Variants in SLC25A48 observed in about 807,000 individuals in gnomAD.
SLC25A48 encodes the protein CTC-321K16.1.
Under a neutral mutation model 32.2 loss-of-function variants are expected in SLC25A48, and 29 were observed. That is an observed-to-expected ratio of 0.90 (90% CI 0.67 to 1.23). The LOEUF is 1.23. Among genes scored for constraint, SLC25A48 ranks in the 50% most tolerant of loss-of-function variants. The pLI, the probability that SLC25A48 is intolerant of heterozygous loss-of-function variation, is 0.00. For synonymous variants in SLC25A48, 164 were observed against 172.3 expected (o/e 0.95, Z 0.38); for missense variants, 399 against 422.7 (o/e 0.94, Z 0.49).
intron 2 of SLC25A48, 95 bp downstream of exon 2, chr5:135,842,554 T>A: frequency 1.5e-6 from 2 of 1,306,980 alleles, no homozygotes; most frequent in Non-Finnish European, 2.2e-6. Context: ...TCTCAGAGAG[T>A]CTTCTGCCCA....
chr5:135,773,554 C>T (rs76309438), intron 3 of SLC25A48, among the ~76,000 whole-genome samples: 3 of 151,422 alleles, frequency 2.0e-5, no homozygotes, highest in Non-Finnish European at 4.4e-5. Context: ...GCGATCCCCC[C>T]ACCCTGGGTA....
At chr5:135,738,755 A>G (rs2126998294) in intron 3 of SLC25A48, among the ~76,000 whole-genome samples, 1 of 152,300 alleles carries the variant, frequency 6.6e-6, no homozygotes, top group Non-Finnish European at 1.5e-5. Context: ...TTGTAATGAT[A>G]GTTTGCCTTT....
chr5:135,592,972 A>G (rs545859262), intron 1 of SLC25A48, among the ~76,000 whole-genome samples: 1 of 152,122 alleles, frequency 6.6e-6, no homozygotes, highest in Non-Finnish European at 1.5e-5. Flanking sequence ...TATGAATATC[A>G]CTGGCTGCCC....
chr5:135,745,290 T>G (rs1755613800), intron 3 of SLC25A48, among the ~76,000 whole-genome samples: 1 of 152,198 alleles, frequency 6.6e-6, no homozygotes, highest in Admixed American at 6.5e-5. Flanking sequence ...CAGGAACATG[T>G]CCTTAAGGCA....
chr5:135,715,858 G>T (rs182227871), intron 3 of SLC25A48, among the ~76,000 whole-genome samples: 2 of 152,288 alleles, frequency 1.3e-5, no homozygotes, highest in East Asian at 3.9e-4. Flanking sequence ...CTTGACCAAG[G>T]TGTGGCTTTC....
intron 4 of SLC25A48, among the ~76,000 whole-genome samples, chr5:135,854,196 C>T (rs1031992925): frequency 6.6e-6 from 1 of 152,100 alleles, no homozygotes; most frequent in Admixed American, 6.5e-5. Context: ...TCTTAAAGGC[C>T]CTAGGATTTT....
upstream of SLC25A48, among the ~76,000 whole-genome samples, chr5:135,831,108 G>C (rs1758194255): frequency 6.6e-6 from 1 of 152,194 alleles, no homozygotes; most frequent in African/African-American, 2.4e-5. Flanking sequence ...GGAGTGATCA[G>C]TGCAAAAGCT....
chr5:135,753,995 G>A (rs1755834126), intron 3 of SLC25A48, among the ~76,000 whole-genome samples: 1 of 151,744 alleles, frequency 6.6e-6, no homozygotes, highest in Admixed American at 6.6e-5. Flanking sequence ...ATCACAGGGT[G>A]TACGCACAGG....
chr5:135,624,846 C>T (rs914249476), intron 1 of SLC25A48, among the ~76,000 whole-genome samples: 2 of 152,236 alleles, frequency 1.3e-5, no homozygotes, highest in Non-Finnish European at 2.9e-5. Flanking sequence ...CTATGGCCAA[C>T]AGATCCGATT....
intron 3 of SLC25A48, among the ~76,000 whole-genome samples, chr5:135,808,359 A>G (rs1757512198): frequency 6.6e-6 from 1 of 151,896 alleles, no homozygotes; most frequent in African/African-American, 2.4e-5. Flanking sequence ...GATAATATTA[A>G]TTATATCTGG....
intron 4 of SLC25A48, among the ~76,000 whole-genome samples, chr5:135,816,745 A>G (rs1757729555): frequency 6.6e-6 from 1 of 152,236 alleles, no homozygotes; most frequent in South Asian, 2.1e-4. Context: ...ACTGAATAAA[A>G]TAAGAAACCA....
At chr5:135,767,930 A>C (rs1317737851) in intron 3 of SLC25A48, among the ~76,000 whole-genome samples, 1 of 138,192 alleles carries the variant, frequency 7.2e-6, no homozygotes, top group African/African-American at 3.0e-5. Flanking sequence ...GGGTGTACAC[A>C]CCCCTGTGAT....
intron 3 of SLC25A48, among the ~76,000 whole-genome samples, chr5:135,770,392 G>A (rs765462311): frequency 1.3e-5 from 2 of 150,380 alleles, no homozygotes; most frequent in Non-Finnish European, 3.0e-5. Context: ...TATTCTGGAG[G>A]GGAGGATGAT....
intron 1 of SLC25A48, among the ~76,000 whole-genome samples, chr5:135,585,443 G>A (rs932552383): frequency 3.4e-4 from 52 of 152,262 alleles, no homozygotes; most frequent in Non-Finnish European, 6.5e-4. Context: ...CCTGCTGTCC[G>A]CGTGGCTCGT....
chr5:135,857,914 G>A (rs551150268), intron 4 of SLC25A48, among the ~76,000 whole-genome samples: 2 of 152,220 alleles, frequency 1.3e-5, no homozygotes, highest in East Asian at 3.9e-4. Flanking sequence ...GGGCCTTAAA[G>A]GGCCCTTTAC....
intron 3 of SLC25A48, among the ~76,000 whole-genome samples, chr5:135,669,893 T>C (rs2126941050): frequency 6.6e-6 from 1 of 152,320 alleles, no homozygotes; most frequent in Non-Finnish European, 1.5e-5. Context: ...GTGCTTGAGG[T>C]TGAAGCCCCA....
chr5:135,812,938 C>G (rs1346986545), intron 4 of SLC25A48: 1 of 152,560 alleles, frequency 6.6e-6, no homozygotes, highest in African/African-American at 2.4e-5. Flanking sequence ...TGAGTGCCAG[C>G]TGCAGGTGGA....
intron 1 of SLC25A48, among the ~76,000 whole-genome samples, chr5:135,604,559 G>T (rs543836484): frequency 6.6e-6 from 1 of 152,316 alleles, no homozygotes; most frequent in South Asian, 2.1e-4. Context: ...TTTGCCTCTG[G>T]TTCCCTATGA....
intron 3 of SLC25A48, among the ~76,000 whole-genome samples, chr5:135,704,839 C>T (rs17168928): frequency 0.012 from 1,825 of 152,222 alleles, 34 homozygotes; most frequent in African/African-American, 0.041. Context: ...CTTTTCTGGA[C>T]GCTTCTACAA....
Sources: allele counts gnomAD v4.1 joint callset (sites outside exome capture counted in the v4.1 genomes callset), GRCh38; gene constraint gnomAD v4.1.1; transcripts MANE v1.5; gene names NCBI Gene and HGNC (gene_info 2026-07-23, HGNC 2026-07-21).